The following PRR16 variants were observed in gnomAD, a reference collection of about 807,000 sequenced individuals.
PRR16 encodes proline rich 16.
A neutral mutation model predicts 18.2 loss-of-function variants in PRR16; 6 were observed. The ratio of observed to expected loss-of-function variants is 0.33; its 90% CI spans 0.18 to 0.65. PRR16 has a LOEUF of 0.65. Among genes scored for constraint, PRR16 ranks in the 30% least tolerant of loss-of-function variants. The pLI is 0.74. For synonymous variants in PRR16, 151 were observed against 147.8 expected (o/e 1.02, Z -0.16); for missense variants, 412 against 376.6 (o/e 1.09, Z -0.78).
intron 1 of PRR16, among the ~76,000 whole-genome samples, chr5:120,674,000 CTATG>C (rs1756707404): frequency 6.6e-6 from 1 of 151,402 alleles, no homozygotes; most frequent in Non-Finnish European, 1.5e-5. Context: ...CATCTACAGT[CTATG>C]TACAAATACT....
chr5:120,698,095 G>A, the PRR16 span, among the ~76,000 whole-genome samples: 67 of 152,122 alleles, frequency 4.4e-4, no homozygotes, highest in African/African-American at 1.6e-3. Context: ...TTGTTGGGGC[G>A]GCGAAAACTT....
At chr5:120,754,499 T>TATATAATATATAGTATATAGTATA in the PRR16 span, among the ~76,000 whole-genome samples, 4 of 64,886 alleles carry the variant, frequency 6.2e-5, no homozygotes, top group African/African-American at 2.1e-4. Flanking sequence ...AGTATGTATT[T>TATATAATATATAGTATATAGTATA]TATTATGTAT....
chr5:120,720,138 A>C, the PRR16 span, among the ~76,000 whole-genome samples: 1 of 152,030 alleles, frequency 6.6e-6, no homozygotes, highest in Admixed American at 6.6e-5. Context: ...CATAGCCATA[A>C]GAATAATAGT....
the PRR16 span, among the ~76,000 whole-genome samples, chr5:120,714,611 C>T: frequency 3.3e-5 from 5 of 152,130 alleles, no homozygotes; most frequent in African/African-American, 1.2e-4. Flanking sequence ...CCAAAAAATG[C>T]TATTTGATCC....
At chr5:120,644,074 C>A in intron 1 of PRR16, among the ~76,000 whole-genome samples, 1 of 151,960 alleles carries the variant, frequency 6.6e-6, no homozygotes, top group East Asian at 1.9e-4. Flanking sequence ...GGATAGAGCT[C>A]AATGACTTGG....
At chr5:120,540,509 G>A (rs1437874730) in intron 1 of PRR16, among the ~76,000 whole-genome samples, 1 of 152,058 alleles carries the variant, frequency 6.6e-6, no homozygotes. Flanking sequence ...TTAGTATTTT[G>A]GTCACGTAGC....
rs367556355 is a variant in PRR16, at chr5:120,550,783, T to G, written c.159+86138T>G. On this transcript the variant is annotated intron_variant, in intron 1 of 1. Transcript: ENST00000407149. ...TCCTTTCTCATTGTTAACATGAATTTTAAAATTCAGTGTGCCTAAAGCAGG... is the reference window on the plus strand; with the variant it reads ...TCCTTTCTCATTGTTAACATGAATTGTAAAATTCAGTGTGCCTAAAGCAGG... Among the ~76,000 whole-genome samples the G allele has an allele frequency of 1.1e-4, 16 of 152,176 alleles. No homozygotes were observed. In the East Asian group the frequency reaches 2.9e-3, roughly 28 times the overall value.
intron 1 of PRR16, among the ~76,000 whole-genome samples, chr5:120,569,805 T>A (rs1752850461): frequency 6.6e-6 from 1 of 152,120 alleles, no homozygotes; most frequent in South Asian, 2.1e-4. Context: ...AGTTAAGTAT[T>A]TGAAAACAAG....
At chr5:120,534,648 C>T (rs887657209) in intron 1 of PRR16, among the ~76,000 whole-genome samples, 1 of 152,132 alleles carries the variant, frequency 6.6e-6, no homozygotes, top group South Asian at 2.1e-4. Flanking sequence ...TCTCTCCTTA[C>T]ACACTCAGCA....
At chr5:120,755,224 A>T in the PRR16 span, among the ~76,000 whole-genome samples, 2 of 151,940 alleles carry the variant, frequency 1.3e-5, no homozygotes, top group African/African-American at 4.8e-5. Flanking sequence ...TAAAAAAAAT[A>T]AAAAATAATA....
chr5:120,712,679 A>C, the PRR16 span, among the ~76,000 whole-genome samples: 1 of 152,198 alleles, frequency 6.6e-6, no homozygotes, highest in Non-Finnish European at 1.5e-5. Flanking sequence ...TTTCCAAAGA[A>C]GACATACAAA....
chr5:120,724,555 C>G, the PRR16 span, among the ~76,000 whole-genome samples: 1 of 152,056 alleles, frequency 6.6e-6, no homozygotes, highest in Non-Finnish European at 1.5e-5. Context: ...TTTTCAGAGA[C>G]TGATTAAATC....
intron 1 of PRR16, among the ~76,000 whole-genome samples, chr5:120,668,490 T>C (rs991374425): frequency 2.3e-4 from 35 of 152,004 alleles, no homozygotes; most frequent in African/African-American, 8.0e-4. Flanking sequence ...AATTTGATCC[T>C]GTCATTATGA....
chr5:120,729,825 G>C, the PRR16 span, among the ~76,000 whole-genome samples: 1 of 152,226 alleles, frequency 6.6e-6, no homozygotes, highest in East Asian at 1.9e-4. Flanking sequence ...TTGCTGGGCT[G>C]TGAAGGTTAA....
At chr5:120,559,763 T>A (rs79130547) in intron 1 of PRR16, among the ~76,000 whole-genome samples, 32,297 of 151,748 alleles carry the variant, frequency 0.21, 3,608 homozygotes, top group Non-Finnish European at 0.21. Flanking sequence ...CATTTTAACA[T>A]TGTTGATTCT....
intron 1 of PRR16, among the ~76,000 whole-genome samples, chr5:120,474,571 G>C (rs888414298): frequency 4.7e-5 from 7 of 148,382 alleles, no homozygotes; most frequent in Non-Finnish European, 1.5e-5. Context: ...TGTCTCTTTT[G>C]TGTCTTGTAT....
chr5:120,539,416 A>G (rs1294806532), intron 1 of PRR16, among the ~76,000 whole-genome samples: 2 of 152,048 alleles, frequency 1.3e-5, no homozygotes, highest in Non-Finnish European at 2.9e-5. Flanking sequence ...ATTTTAATAT[A>G]GATTTTATTC....
At chr5:120,582,792 G>A (rs1434341820) in intron 1 of PRR16, among the ~76,000 whole-genome samples, 1 of 149,830 alleles carries the variant, frequency 6.7e-6, no homozygotes, top group South Asian at 2.1e-4. Context: ...GGAGGTCTCA[G>A]ACCACCTGAA....
intron 1 of PRR16, among the ~76,000 whole-genome samples, chr5:120,469,774 A>T (rs187764949): frequency 6.2e-4 from 94 of 152,316 alleles, no homozygotes; most frequent in African/African-American, 2.1e-3. Context: ...AAATGCTCTG[A>T]AATTTTTCTT....
Sources: allele counts gnomAD v4.1 joint callset (sites outside exome capture counted in the v4.1 genomes callset), GRCh38; gene constraint gnomAD v4.1.1; transcripts MANE v1.5; gene names NCBI Gene and HGNC (gene_info 2026-07-23, HGNC 2026-07-21).